The following ZNF674 variants were observed in gnomAD, a reference collection of about 807,000 sequenced individuals.
ZNF674 encodes zinc finger family member 674.
ZNF674 carries 2 observed loss-of-function variants against 7.0 expected under a neutral mutation model. The observed-to-expected ratio is 0.29, with a 90% CI of 0.12 to 0.90. The LOEUF is 0.90. ZNF674 is among the 40% of genes least tolerant of loss of function. The probability of loss-of-function intolerance (pLI) is 0.57; values close to 1 mark genes in which losing one functional copy is unlikely to be tolerated. For missense variants in ZNF674, 297 were observed against 415.5 expected (o/e 0.71, Z 2.48); for synonymous variants, 103 against 145.2 (o/e 0.71, Z 2.09).
chrX:46,519,402 G>A (rs1315430589), intron 5 of ZNF674, among the ~76,000 whole-genome samples: 5 of 108,818 alleles, frequency 4.6e-5, no homozygotes, highest in Non-Finnish European at 9.5e-5. Context: ...GAGGTCAGGA[G>A]TTCGAGACCA....
At chrX:46,514,747 C>T (rs991421608) in intron 5 of ZNF674, among the ~76,000 whole-genome samples, 1 of 112,091 alleles carries the variant, frequency 8.9e-6, no homozygotes, top group Non-Finnish European at 1.9e-5. Flanking sequence ...CTTCCTTCCT[C>T]ACCCACTACA....
At chrX:46,521,646 G>C (rs1029229529) in intron 5 of ZNF674, among the ~76,000 whole-genome samples, 2 of 109,156 alleles carry the variant, frequency 1.8e-5, no homozygotes, top group African/African-American at 3.3e-5. Context: ...AGGCCAAGGC[G>C]GGGGAGGGGG....
At chrX:46,522,693 G>C (rs904984734) in intron 5 of ZNF674, among the ~76,000 whole-genome samples, 2 of 111,700 alleles carry the variant, frequency 1.8e-5, no homozygotes, top group Non-Finnish European at 3.8e-5. Context: ...TTAAAAGAGA[G>C]AAGAGTAGGT....
At chrX:46,519,811 G>A (rs901026219) in intron 5 of ZNF674, among the ~76,000 whole-genome samples, 7 of 110,750 alleles carry the variant, frequency 6.3e-5, no homozygotes, top group Admixed American at 9.7e-5. Flanking sequence ...AAATTTATTC[G>A]TAATAGCCCA....
At chrX:46,518,772 G>C (rs1266894485) in intron 5 of ZNF674, among the ~76,000 whole-genome samples, 2 of 108,822 alleles carry the variant, frequency 1.8e-5, no homozygotes, top group African/African-American at 6.7e-5. Flanking sequence ...TGTAGTCCCA[G>C]CTACTCGGGA....
chrX:46,536,847 C>G (rs755268409), intron 3 of ZNF674, among the ~76,000 whole-genome samples: 55 of 112,544 alleles, frequency 4.9e-4, no homozygotes, highest in African/African-American at 1.8e-3. Flanking sequence ...AGAACAACAG[C>G]TGTATTACCA....
At chrX:46,536,504 C>T (rs1292061623) in intron 3 of ZNF674, among the ~76,000 whole-genome samples, 1 of 107,713 alleles carries the variant, frequency 9.3e-6, no homozygotes, top group East Asian at 2.9e-4. Flanking sequence ...GCAGGAGAAT[C>T]GCTTGAACCT....
At chrX:46,538,786 G>A (rs1942243962) in intron 3 of ZNF674, among the ~76,000 whole-genome samples, 1 of 110,490 alleles carries the variant, frequency 9.1e-6, no homozygotes, top group Non-Finnish European at 1.9e-5. Flanking sequence ...TGGCTACTTG[G>A]GAGGCTGAGG....
intron 3 of ZNF674, among the ~76,000 whole-genome samples, chrX:46,541,774 G>A (rs973650301): frequency 7.2e-5 from 8 of 111,617 alleles, no homozygotes; most frequent in Non-Finnish European, 1.1e-4. Context: ...AAGACCAAGC[G>A]ATCTAGAAGT....
intron 5 of ZNF674, among the ~76,000 whole-genome samples, chrX:46,504,265 T>C (rs766813565): frequency 8.9e-6 from 1 of 111,802 alleles, no homozygotes; most frequent in Non-Finnish European, 1.9e-5. Flanking sequence ...TTAAAATAAA[T>C]GATCTAAATC....
intron 5 of ZNF674, among the ~76,000 whole-genome samples, chrX:46,510,868 A>C (rs1401169739): frequency 8.9e-6 from 1 of 112,673 alleles, no homozygotes; most frequent in Admixed American, 9.4e-5. Flanking sequence ...TTGATGAAAG[A>C]TATCTTTCAA....
At chrX:46,528,946 A>C (rs1308699234) in intron 3 of ZNF674, 37 bp from the exon 4 acceptor site, 1 of 1,211,754 alleles carries the variant, frequency 8.3e-7, no homozygotes, top group Non-Finnish European at 1.1e-6. Context: ...CCCCAGGACC[A>C]GCCTGGGGCA....
intron 3 of ZNF674, among the ~76,000 whole-genome samples, chrX:46,534,178 C>A (rs1942163780): frequency 1.8e-5 from 2 of 109,863 alleles, no homozygotes; most frequent in South Asian, 7.7e-4. Flanking sequence ...GGAAACCGCC[C>A]CCATGACCCA....
intron 5 of ZNF674, among the ~76,000 whole-genome samples, chrX:46,519,270 A>AGGT (rs1569476496): frequency 4.0e-5 from 3 of 75,785 alleles, no homozygotes; most frequent in African/African-American, 5.6e-5. Flanking sequence ...AGATAAAGAT[A>AGGT]GATGATAGAT....
chrX:46,513,188 G>A (rs57565581), intron 5 of ZNF674, among the ~76,000 whole-genome samples: 4,010 of 111,010 alleles, frequency 0.036, 195 homozygotes, highest in African/African-American at 0.12. Context: ...ACTTGAACCC[G>A]GGAGGCAGAG....
intron 5 of ZNF674, among the ~76,000 whole-genome samples, chrX:46,506,139 C>T (rs1941533465): frequency 8.9e-6 from 1 of 112,206 alleles, no homozygotes; most frequent in African/African-American, 3.2e-5. Flanking sequence ...AGGGCTGGCT[C>T]CTGGCTAAAG....
intron 3 of ZNF674, among the ~76,000 whole-genome samples, chrX:46,532,175 A>G (rs1476771080): frequency 8.9e-6 from 1 of 112,120 alleles, no homozygotes; most frequent in African/African-American, 3.2e-5. Context: ...TCTCAAAAAA[A>G]CAAAAAACAA....
At chrX:46,529,572 C>T (rs1465023871) in intron 3 of ZNF674, 1 of 108,406 alleles carries the variant, frequency 9.2e-6, no homozygotes, top group African/African-American at 3.4e-5. Flanking sequence ...GGGAGGCTGG[C>T]GTAGGAGAAT....
At chrX:46,524,743 G>C (rs1279931482) in intron 5 of ZNF674, among the ~76,000 whole-genome samples, 1 of 109,435 alleles carries the variant, frequency 9.1e-6, no homozygotes, top group Non-Finnish European at 1.9e-5. Flanking sequence ...AGGCATGGTA[G>C]CTCACACCTG....
Sources: gnomAD v4.1 joint callset for allele counts (sites outside exome capture counted in the v4.1 genomes callset) on GRCh38, gnomAD v4.1.1 for gene constraint, MANE v1.5 for transcripts, NCBI Gene and HGNC (gene_info 2026-07-23, HGNC 2026-07-21) for gene names.